The following CTNND2 variants were observed in gnomAD, a reference collection of about 807,000 sequenced individuals.
CTNND2 encodes the protein catenin delta-2.
In CTNND2, 22 loss-of-function variants were observed where a neutral mutation model predicts 144.4. That is an observed-to-expected ratio of 0.15 (90% CI 0.11 to 0.22). CTNND2 has a LOEUF of 0.22. CTNND2 is among the 10% of genes least tolerant of loss of function. The probability of loss-of-function intolerance (pLI) is 1.00; values close to 1 mark genes in which losing one functional copy is unlikely to be tolerated. For synonymous variants in CTNND2, 751 were observed against 695.6 expected, an observed-to-expected ratio of 1.08 and a Z score of -1.25; for missense variants, 1,353 against 1,618.8, an observed-to-expected ratio of 0.84 and a Z score of 2.82.
chr5:11,480,642 A>ATGTG (rs1491158593), intron 3 of CTNND2, among the ~76,000 whole-genome samples: 4 of 80,502 alleles, frequency 5.0e-5, no homozygotes, highest in Non-Finnish European at 9.9e-5. Flanking sequence ...TTGAAAATAC[A>ATGTG]TATATGTGTG....
At chr5:11,880,445 G>C (rs1223783954) in intron 1 of CTNND2, among the ~76,000 whole-genome samples, 2 of 151,078 alleles carry the variant, frequency 1.3e-5, no homozygotes, top group Non-Finnish European at 2.9e-5. Flanking sequence ...AGGTGTGGGG[G>C]TCTATGACAT....
intron 2 of CTNND2, among the ~76,000 whole-genome samples, chr5:11,602,699 T>TAAAA (rs1779859594): frequency 6.9e-6 from 1 of 144,114 alleles, no homozygotes; most frequent in African/African-American, 2.6e-5. Flanking sequence ...ATATAGTATA[T>TAAAA]ATTTCATATA....
chr5:11,651,880 A>T (rs145375929), intron 2 of CTNND2, among the ~76,000 whole-genome samples: 1 of 151,958 alleles, frequency 6.6e-6, no homozygotes. Flanking sequence ...TTTTTATTTT[A>T]TTTATTTTTT....
chr5:11,561,671 G>A (rs1776694141), intron 3 of CTNND2, among the ~76,000 whole-genome samples: 1 of 152,176 alleles, frequency 6.6e-6, no homozygotes, highest in Non-Finnish European at 1.5e-5. Context: ...TGGATGGACT[G>A]TTAGGAAGTT....
At chr5:11,896,051 A>G (rs998112895) in intron 1 of CTNND2, among the ~76,000 whole-genome samples, 3 of 152,182 alleles carry the variant, frequency 2.0e-5, no homozygotes, top group Non-Finnish European at 4.4e-5. Flanking sequence ...AACATATATC[A>G]ACAACCTTGA....
intron 2 of CTNND2, among the ~76,000 whole-genome samples, chr5:11,610,004 C>T (rs981437701): frequency 2.0e-5 from 3 of 152,178 alleles, no homozygotes; most frequent in African/African-American, 2.4e-5. Context: ...GACAGCAATT[C>T]GGTTTGAGTC....
chr5:11,792,304 CA>C (rs1791176057), intron 1 of CTNND2, among the ~76,000 whole-genome samples: 2 of 152,010 alleles, frequency 1.3e-5, no homozygotes, highest in Non-Finnish European at 1.5e-5. Flanking sequence ...AATACACACA[CA>C]CACATATATA....
At chr5:11,515,123 A>AAG (rs1156715817) in intron 3 of CTNND2, among the ~76,000 whole-genome samples, 2 of 151,994 alleles carry the variant, frequency 1.3e-5, no homozygotes, top group African/African-American at 4.8e-5. Context: ...AAAAAAAAAA[A>AAG]AAACGCATTT....
intron 2 of CTNND2, among the ~76,000 whole-genome samples, chr5:11,589,443 G>A (rs557007078): frequency 1.3e-5 from 2 of 152,202 alleles, no homozygotes; most frequent in African/African-American, 4.8e-5. Context: ...AAGCCAGTCC[G>A]GTTTTGGTTT....
chr5:11,626,569 T>C (rs535468548), intron 2 of CTNND2, among the ~76,000 whole-genome samples: 1 of 152,300 alleles, frequency 6.6e-6, no homozygotes, highest in Non-Finnish European at 1.5e-5. Context: ...GGTTGAGTCC[T>C]GGAATGTGTT....
intron 16 of CTNND2, among the ~76,000 whole-genome samples, chr5:11,058,526 T>C (rs1195110203): frequency 6.6e-6 from 1 of 152,176 alleles, no homozygotes; most frequent in Admixed American, 6.5e-5. Flanking sequence ...TGGAAACGCC[T>C]GGATGTCCAG....
chr5:11,901,752 A>G (rs1737907050), intron 1 of CTNND2, among the ~76,000 whole-genome samples: 1 of 152,180 alleles, frequency 6.6e-6, no homozygotes, highest in Non-Finnish European at 1.5e-5. Flanking sequence ...TAAAACCCAC[A>G]TATACAGTAT....
chr5:11,108,544 G>C (rs1003905604), intron 14 of CTNND2, among the ~76,000 whole-genome samples: 4 of 152,178 alleles, frequency 2.6e-5, no homozygotes, highest in African/African-American at 7.2e-5. Context: ...AGACCTACCA[G>C]ATAAAAATAG....
chr5:11,342,460 T>C (rs1754374964), intron 9 of CTNND2, among the ~76,000 whole-genome samples: 1 of 152,210 alleles, frequency 6.6e-6, no homozygotes, highest in African/African-American at 2.4e-5. Context: ...ATTCCTGTTA[T>C]GATGAATAAC....
intron 19 of CTNND2, among the ~76,000 whole-genome samples, chr5:10,991,754 C>T (rs142613877): frequency 0.017 from 2,658 of 152,182 alleles, 46 homozygotes; most frequent in Non-Finnish European, 0.02. Context: ...TGGCATCTGC[C>T]GGTTTATCAT....
At chr5:11,458,785 C>A (rs1765947425) in intron 3 of CTNND2, among the ~76,000 whole-genome samples, 1 of 152,180 alleles carries the variant, frequency 6.6e-6, no homozygotes, top group African/African-American at 2.4e-5. Context: ...CAAGGTTTCA[C>A]TGTTGCCCAG....
chr5:11,595,125 CA>C, intron 2 of CTNND2, among the ~76,000 whole-genome samples: 1 of 152,130 alleles, frequency 6.6e-6, no homozygotes, highest in East Asian at 1.9e-4. Context: ...AGGGCCAGCT[CA>C]GCTTTTATCT....
intron 6 of CTNND2, among the ~76,000 whole-genome samples, chr5:11,396,641 C>G (rs1323835018): frequency 6.6e-6 from 1 of 151,790 alleles, no homozygotes; most frequent in Non-Finnish European, 1.5e-5. Context: ...CAATCCCATG[C>G]TTTTTTTTAG....
intron 2 of CTNND2, among the ~76,000 whole-genome samples, chr5:11,720,636 G>T (rs866862547): frequency 1.4e-4 from 21 of 152,180 alleles, no homozygotes; most frequent in Middle Eastern, 3.4e-3. Context: ...ACAGGTGTGG[G>T]TATGCTGCCG....
Sources: gnomAD v4.1 joint callset for allele counts (sites outside exome capture counted in the v4.1 genomes callset) on GRCh38, gnomAD v4.1.1 for gene constraint, MANE v1.5 for transcripts, NCBI Gene and HGNC (gene_info 2026-07-23, HGNC 2026-07-21) for gene names.